FGF14: variants seen among roughly 807,000 people sequenced by gnomAD.
FGF14 encodes fibroblast growth factor 14, also known as fibroblast growth factor homologous factor 4.
Under a neutral mutation model 25.5 loss-of-function variants are expected in FGF14, and 5 were observed. The observed-to-expected ratio is 0.20, with a 90% CI of 0.10 to 0.41. The LOEUF (loss-of-function observed/expected upper bound fraction) is 0.41. Among genes scored for constraint, FGF14 ranks in the 10% least tolerant of loss-of-function variants. FGF14 has a pLI of 1.00. For synonymous variants in FGF14, 138 were observed against 118.3 expected (o/e 1.17, Z -1.08); for missense variants, 222 against 320.1 (o/e 0.69, Z 2.34).
intron 1 of FGF14, among the ~76,000 whole-genome samples, chr13:102,211,769 A>G (rs1034555033): frequency 2.6e-5 from 4 of 152,214 alleles, no homozygotes; most frequent in African/African-American, 7.2e-5. Flanking sequence ...CAAAGTTACA[A>G]ACAGCTTTAT....
rs780582169 is a variant in FGF14, at chr13:101,711,829, A to G, written c.*11002T>C. 6.6e-6 allele frequency: 1 copy of G among 152,218 alleles called. No homozygotes were observed. The highest frequency in any genetic ancestry group is 6.5e-5 in the Admixed American group (1 of 15,286). 9.4% of individuals were successfully genotyped at this position (152,218 alleles called of 1,614,324 possible). A position where few individuals can be genotyped will look rare whatever the true frequency, so the allele number is the denominator to read the frequency against. On this transcript the variant is annotated 3_prime_UTR_variant, in exon 5 of 5. Transcript: ENST00000376143. ...ATTCTCAAGGGTCCTTATATTGAGA[A>G]AGAAAATGAATGGATTAGTGGTGCT...
chr13:101,769,938 C>A (rs554344722), intron 3 of FGF14, among the ~76,000 whole-genome samples: 69 of 152,094 alleles, frequency 4.5e-4, no homozygotes, highest in African/African-American at 1.6e-3. Context: ...AAGGATAAAC[C>A]CTAATGTAAA....
At chr13:102,318,992 TGA>T (rs2056140490) in intron 1 of FGF14, among the ~76,000 whole-genome samples, 1 of 152,178 alleles carries the variant, frequency 6.6e-6, no homozygotes, top group African/African-American at 2.4e-5. Context: ...TGATCACCAT[TGA>T]GCATTGAAGA....
chr13:102,293,934 T>C (rs1431055117), intron 1 of FGF14: 1 of 152,110 alleles, frequency 6.6e-6, no homozygotes, highest in Non-Finnish European at 1.5e-5. Context: ...GATACAATAA[T>C]ACACAAATTG....
chr13:101,976,928 C>A (rs190245506), intron 1 of FGF14, among the ~76,000 whole-genome samples: 31 of 152,206 alleles, frequency 2.0e-4, no homozygotes, highest in Admixed American at 7.9e-4. Context: ...TGCTGTGGTG[C>A]CCTGTAGTGC....
chr13:101,788,370 G>A (rs2039976730), intron 3 of FGF14, among the ~76,000 whole-genome samples: 1 of 152,148 alleles, frequency 6.6e-6, no homozygotes, highest in Admixed American at 6.6e-5. Flanking sequence ...AAATGATAAT[G>A]AGGACTGTAC....
At chr13:102,293,085 C>T (rs1034045061) in intron 1 of FGF14, 3 of 152,350 alleles carry the variant, frequency 2.0e-5, no homozygotes, top group African/African-American at 7.2e-5. Flanking sequence ...CTTCTCACCA[C>T]CCCACTGTCT....
At chr13:102,296,918 A>C (rs1235235375) in intron 1 of FGF14, among the ~76,000 whole-genome samples, 1 of 152,164 alleles carries the variant, frequency 6.6e-6, no homozygotes, top group Non-Finnish European at 1.5e-5. Context: ...TAGTGTAGTA[A>C]ATCACCCCAG....
chr13:102,257,655 A>G (rs996417325), intron 1 of FGF14, among the ~76,000 whole-genome samples: 1 of 151,906 alleles, frequency 6.6e-6, no homozygotes, highest in African/African-American at 2.4e-5. Flanking sequence ...ATTTCTAACC[A>G]ATAGAGTCCC....
intron 1 of FGF14, among the ~76,000 whole-genome samples, chr13:102,059,543 G>A (rs1448145613): frequency 6.6e-6 from 1 of 152,210 alleles, no homozygotes; most frequent in Non-Finnish European, 1.5e-5. Flanking sequence ...CAATGAATGA[G>A]CTAGGCCAGA....
chr13:102,044,729 T>C (rs1222017574), intron 1 of FGF14, among the ~76,000 whole-genome samples: 1 of 152,092 alleles, frequency 6.6e-6, no homozygotes, highest in Non-Finnish European at 1.5e-5. Flanking sequence ...CAAATTACCT[T>C]CCACCATCCT....
chr13:101,896,685 TGGAGG>T (rs1036843645), intron 1 of FGF14, among the ~76,000 whole-genome samples: 1 of 152,188 alleles, frequency 6.6e-6, no homozygotes, highest in African/African-American at 2.4e-5. Context: ...AGCAATTTTT[TGGAGG>T]GCATATGTGT....
At chr13:101,957,632 C>T (rs2036592784) in intron 1 of FGF14, among the ~76,000 whole-genome samples, 1 of 152,170 alleles carries the variant, frequency 6.6e-6, no homozygotes, top group Non-Finnish European at 1.5e-5. Flanking sequence ...TTGAGCAGAT[C>T]TAACTCAGAG....
At chr13:102,283,081 C>G (rs1369230169) in intron 1 of FGF14, among the ~76,000 whole-genome samples, 1 of 152,148 alleles carries the variant, frequency 6.6e-6, no homozygotes, top group Non-Finnish European at 1.5e-5. Context: ...GCTCTGTGGT[C>G]CTGCAAAAGC....
intron 1 of FGF14, among the ~76,000 whole-genome samples, chr13:102,097,052 T>C (rs1418447402): frequency 1.3e-5 from 2 of 151,168 alleles, no homozygotes; most frequent in Non-Finnish European, 2.9e-5. Context: ...TTAAGCACTG[T>C]AGTGTGGGGT....
intron 1 of FGF14, among the ~76,000 whole-genome samples, chr13:102,378,987 C>T (rs2058112953): frequency 6.6e-6 from 1 of 152,074 alleles, no homozygotes; most frequent in East Asian, 1.9e-4. Context: ...GATCATCTGT[C>T]TAGGAGTTGT....
At chr13:101,875,423 T>C in intron 1 of FGF14, 127 bp from the exon 2 acceptor site, 1 of 710,020 alleles carries the variant, frequency 1.4e-6, no homozygotes, top group Non-Finnish European at 2.5e-6. Flanking sequence ...ATTTTGTCTC[T>C]CAGATTCTTC....
At chr13:101,937,363 C>T (rs980472909) in intron 1 of FGF14, among the ~76,000 whole-genome samples, 7 of 152,122 alleles carry the variant, frequency 4.6e-5, no homozygotes, top group Non-Finnish European at 8.8e-5. Context: ...GAAAATGAGG[C>T]TGTCAGGTGG....
At chr13:101,779,809 G>C (rs2039377685) in intron 3 of FGF14, among the ~76,000 whole-genome samples, 1 of 152,134 alleles carries the variant, frequency 6.6e-6, no homozygotes, top group Non-Finnish European at 1.5e-5. Context: ...ATTTACAAAA[G>C]GAACAACTAG....
Sources: allele counts gnomAD v4.1 joint callset (sites outside exome capture counted in the v4.1 genomes callset), GRCh38; gene constraint gnomAD v4.1.1; transcripts MANE v1.5; gene names NCBI Gene and HGNC (gene_info 2026-07-23, HGNC 2026-07-21).